Variants in C6 observed in about 807,000 individuals in gnomAD.
The protein encoded by C6 is complement C6.
In C6, 101 loss-of-function variants were observed where a neutral mutation model predicts 112.9. The ratio of observed to expected loss-of-function variants is 0.89; its 90% CI spans 0.76 to 1.06. The LOEUF (loss-of-function observed/expected upper bound fraction) is 1.06. Ranked by LOEUF, C6 falls within the 50% of genes least tolerant of loss-of-function variation. The probability of loss-of-function intolerance (pLI) is 0.00; values close to 1 mark genes in which losing one functional copy is unlikely to be tolerated. For missense variants in C6, 1,202 were observed against 1,104.6 expected, an observed-to-expected ratio of 1.09 and a Z score of -1.25; for synonymous variants, 431 against 384.1, an observed-to-expected ratio of 1.12 and a Z score of -1.43.
chr5:41,239,577 T>C (rs1740567465), intron 1 of C6, among the ~76,000 whole-genome samples: 1 of 152,138 alleles, frequency 6.6e-6, no homozygotes, highest in Non-Finnish European at 1.5e-5. Context: ...TCTAACTGTA[T>C]GTTTATACCC....
intron 1 of C6, among the ~76,000 whole-genome samples, chr5:41,206,956 A>G (rs1751485341): frequency 6.6e-6 from 1 of 152,230 alleles, no homozygotes; most frequent in South Asian, 2.1e-4. Context: ...GAAGGAAAAA[A>G]TGTTAAGGGC....
At chr5:41,192,792 A>G (rs916006641) in intron 5 of C6, among the ~76,000 whole-genome samples, 2 of 152,196 alleles carry the variant, frequency 1.3e-5, no homozygotes, top group African/African-American at 2.4e-5. Flanking sequence ...GTAGAATTTC[A>G]TTTTTATGAA....
intron 1 of C6, among the ~76,000 whole-genome samples, chr5:41,226,632 G>A (rs1019052688): frequency 2.6e-5 from 4 of 152,038 alleles, no homozygotes; most frequent in African/African-American, 9.7e-5. Flanking sequence ...TGCGGCCCCT[G>A]CTAACCACCA....
At position 41,176,455 on chromosome 5, in the gene C6, T is replaced by G. The variant is rs764827217; in HGVS notation, c.1168+20A>C. ...ATGCTATCATACCAGTTAAAAAGAGTGAGGACTGAAGAAAGTTACCTGAGT... is the reference window on the plus strand; with the variant it reads ...ATGCTATCATACCAGTTAAAAAGAGGGAGGACTGAAGAAAGTTACCTGAGT... On this transcript the variant is annotated intron_variant, in intron 8 of 17. Transcript: ENST00000337836. The G allele has an allele frequency of 1.2e-5, 19 of 1,610,758 alleles. 1 individual carries two copies. Among genetic ancestry groups the G allele is most frequent in the Middle Eastern group, 1.7e-4 (1 of 6,032 alleles).
At chr5:41,146,642 A>C (rs184779675) in intron 17 of C6, among the ~76,000 whole-genome samples, 160 of 152,326 alleles carry the variant, frequency 1.1e-3, no homozygotes, top group African/African-American at 3.8e-3. Context: ...GATTGTGTGC[A>C]GAACCAAAAA....
intron 1 of C6, among the ~76,000 whole-genome samples, chr5:41,259,160 A>T (rs185392053): frequency 6.6e-6 from 1 of 152,324 alleles, no homozygotes; most frequent in African/African-American, 2.4e-5. Context: ...CCTTTAGGGG[A>T]TCTTGCTCTA....
At chr5:41,144,999 G>T (rs973311714) in intron 17 of C6, among the ~76,000 whole-genome samples, 1 of 152,128 alleles carries the variant, frequency 6.6e-6, no homozygotes, top group Non-Finnish European at 1.5e-5. Flanking sequence ...TGGGTATTTA[G>T]GTTGAGTCTA....
intron 1 of C6, among the ~76,000 whole-genome samples, chr5:41,243,396 A>G (rs930794262): frequency 4.6e-5 from 7 of 152,182 alleles, no homozygotes; most frequent in African/African-American, 1.4e-4. Context: ...ATTTCAAATA[A>G]TTGTTTACTT....
intron 1 of C6, among the ~76,000 whole-genome samples, chr5:41,218,709 T>C (rs62361633): frequency 0.012 from 1,801 of 152,240 alleles, 27 homozygotes; most frequent in Non-Finnish European, 0.014. Flanking sequence ...TCGGATTTCA[T>C]GTGCCAGGGT....
At chr5:41,194,718 A>G (rs1273000849) in intron 5 of C6, among the ~76,000 whole-genome samples, 1 of 131,844 alleles carries the variant, frequency 7.6e-6, no homozygotes, top group East Asian at 2.0e-4. Flanking sequence ...GATTATCTTT[A>G]CTGATTTTTT....
chr5:41,192,964 T>C (rs1020837988), intron 5 of C6, among the ~76,000 whole-genome samples: 5 of 152,188 alleles, frequency 3.3e-5, no homozygotes, highest in Admixed American at 2.6e-4. Flanking sequence ...ATCATGGTGA[T>C]GGTTATATAA....
intron 15 of C6, 131 bp downstream of exon 15, chr5:41,153,679 A>T: frequency 2.9e-6 from 2 of 700,010 alleles, no homozygotes; most frequent in East Asian, 2.6e-5. Context: ...TTCCGGTTTG[A>T]CCCACACTGT....
chr5:41,248,610 A>G (rs1741160999), intron 1 of C6, among the ~76,000 whole-genome samples: 1 of 152,232 alleles, frequency 6.6e-6, no homozygotes, highest in East Asian at 1.9e-4. Context: ...ATGCAAATCA[A>G]AACCACAATG....
At chr5:41,189,729 G>C (rs1213341264) in intron 5 of C6, among the ~76,000 whole-genome samples, 1 of 151,984 alleles carries the variant, frequency 6.6e-6, no homozygotes, top group African/African-American at 2.4e-5. Flanking sequence ...TTATCTAGCT[G>C]TAATTTTGTA....
intron 1 of C6, among the ~76,000 whole-genome samples, chr5:41,232,743 A>G (rs910097310): frequency 6.6e-6 from 1 of 151,950 alleles, no homozygotes; most frequent in African/African-American, 2.4e-5. Context: ...TTCAGTCTCA[A>G]TTAACTTCCT....
intron 1 of C6, among the ~76,000 whole-genome samples, chr5:41,255,207 A>T (rs1741611562): frequency 1.3e-5 from 2 of 152,158 alleles, no homozygotes; most frequent in Admixed American, 1.3e-4. Context: ...CTAAAAATAC[A>T]AAAATTAGGC....
intron 1 of C6, among the ~76,000 whole-genome samples, chr5:41,246,102 TA>T (rs2150432028): frequency 6.6e-6 from 1 of 152,312 alleles, no homozygotes; most frequent in Admixed American, 6.5e-5. Context: ...AGTTAAGACT[TA>T]AACTTGACTC....
Position 41,226,283 on chromosome 5 carries a change from G to C in C6, c.-20-23033C>G, listed in dbSNP as rs368405927. Reference sequence around the variant, plus strand: ...CAAAAACAAACAACCCCATTAAAAAGTGGGCGAAGGATATGAACAGACACT... The same window carrying C: ...CAAAAACAAACAACCCCATTAAAAACTGGGCGAAGGATATGAACAGACACT... On this transcript the variant is annotated intron_variant, in intron 1 of 17. Transcript: ENST00000263413. 1.4e-3 allele frequency among the ~76,000 whole-genome samples: 207 copies of C among 152,246 alleles called. 1 individual carries two copies. The highest frequency in any genetic ancestry group is 4.8e-3 in the African/African-American group (199 of 41,568).
chr5:41,200,858 T>C (rs2150364037), intron 3 of C6, among the ~76,000 whole-genome samples: 1 of 149,810 alleles, frequency 6.7e-6, no homozygotes, highest in East Asian at 2.0e-4. Context: ...AATCTTGGAC[T>C]GAAACCCTGT....
Sources: gnomAD v4.1 joint callset for allele counts (sites outside exome capture counted in the v4.1 genomes callset) on GRCh38, gnomAD v4.1.1 for gene constraint, MANE v1.5 for transcripts, NCBI Gene and HGNC (gene_info 2026-07-23, HGNC 2026-07-21) for gene names.